The following UVSSA variants were observed in gnomAD, a reference collection of about 807,000 sequenced individuals.
The protein encoded by UVSSA is UV stimulated scaffold protein A.
A neutral mutation model predicts 73.9 loss-of-function variants in UVSSA; 72 were observed. The observed-to-expected ratio is 0.97, with a 90% CI of 0.81 to 1.19. The LOEUF (loss-of-function observed/expected upper bound fraction) is 1.19, where lower values mean the gene tolerates loss of function less well. Among genes scored for constraint, UVSSA ranks in the 50% most tolerant of loss-of-function variants. The pLI is 0.00. For missense variants in UVSSA, 1,150 were observed against 965.0 expected, an observed-to-expected ratio of 1.19 and a Z score of -2.54; for synonymous variants, 454 against 391.3, an observed-to-expected ratio of 1.16 and a Z score of -1.89.
intron 7 of UVSSA, among the ~76,000 whole-genome samples, chr4:1,358,807 C>T (rs756762889): frequency 4.0e-4 from 61 of 152,226 alleles, no homozygotes; most frequent in African/African-American, 1.2e-3. Flanking sequence ...CCATTTAGCA[C>T]GGGGATTGGC....
At position 1,378,293 on chromosome 4, in the gene UVSSA, C is replaced by T. The variant is rs775630717; in HGVS notation, c.1569-1754C>T. On this transcript the variant is annotated intron_variant, in intron 10 of 13. Transcript: ENST00000389851. Reference sequence around the variant, plus strand: ...CCTGGCTGGGTACAGTGGCTCACGCCTGTAATCCCAGCACTTTGGGAGGCC... The same window carrying T: ...CCTGGCTGGGTACAGTGGCTCACGCTTGTAATCCCAGCACTTTGGGAGGCC... Among the ~76,000 whole-genome samples the T allele has an allele frequency of 5.1e-4, 77 of 152,376 alleles. 1 individual carries two copies. Among genetic ancestry groups the T allele is most frequent in the Middle Eastern group, 6.8e-3 (2 of 294 alleles).
At chr4:1,355,529 G>GTC (rs1715592520) in intron 7 of UVSSA, among the ~76,000 whole-genome samples, 1 of 152,218 alleles carries the variant, frequency 6.6e-6, no homozygotes, top group Non-Finnish European at 1.5e-5. Flanking sequence ...GAAGCCACCA[G>GTC]TCAGGCTGTC....
At chr4:1,365,753 G>C (rs764414452) in intron 7 of UVSSA, among the ~76,000 whole-genome samples, 1 of 152,220 alleles carries the variant, frequency 6.6e-6, no homozygotes, top group African/African-American at 2.4e-5. Context: ...GCCCTGGCCC[G>C]TTGCCTAAGA....
chr4:1,345,046 G>A (rs12640984), upstream of UVSSA, among the ~76,000 whole-genome samples: 66,725 of 151,550 alleles, frequency 0.44, 15,382 homozygotes, highest in Non-Finnish European at 0.52. Context: ...GGGAGCCGTC[G>A]GAGGATTTTG....
intron 11 of UVSSA, 120 bp from the exon 12 acceptor site, chr4:1,380,760 T>G: frequency 6.4e-7 from 1 of 1,571,942 alleles, no homozygotes; most frequent in Non-Finnish European, 8.6e-7. Flanking sequence ...TGTGTACACT[T>G]TGGCTCTGTG....
chr4:1,342,319 T>G (rs1713460578), upstream of UVSSA, among the ~76,000 whole-genome samples: 1 of 152,218 alleles, frequency 6.6e-6, no homozygotes, highest in Admixed American at 6.5e-5. Flanking sequence ...CAGTGTGATT[T>G]TCCCTTGCTT....
At chr4:1,377,952 A>AT (rs1169380900) in intron 10 of UVSSA, among the ~76,000 whole-genome samples, 1 of 152,092 alleles carries the variant, frequency 6.6e-6, no homozygotes, top group African/African-American at 2.4e-5. Context: ...GGTGCAGGAG[A>AT]TGGCACCTGG....
rs1487890731 is a variant in UVSSA at position 1,387,077 on chromosome 4, T to C, written c.*1116T>C. ...CTCATGTGATTTGCAAAAACTTTAT[T>C]TATTTATTTATTTATTTTTGAAATG... On this transcript the variant is annotated 3_prime_UTR_variant, in exon 14 of 14. Transcript: ENST00000389851. 1 of 151,390 alleles carries C rather than the reference T, an allele frequency of 6.6e-6. No individual in the cohort carries two copies. The highest frequency in any genetic ancestry group is 2.4e-5 in the African/African-American group (1 of 41,082). 9.4% of individuals were successfully genotyped at this position (151,390 alleles called of 1,614,324 possible).
chr4:1,381,874 T>C (rs1184243772), intron 12 of UVSSA, among the ~76,000 whole-genome samples: 1 of 152,076 alleles, frequency 6.6e-6, no homozygotes, highest in Admixed American at 6.5e-5. Flanking sequence ...GGTGGCACTG[T>C]ATTGCCCAAG....
chr4:1,361,035 G>T (rs1052229811), intron 7 of UVSSA, among the ~76,000 whole-genome samples: 1 of 152,232 alleles, frequency 6.6e-6, no homozygotes, highest in African/African-American at 2.4e-5. Flanking sequence ...TCCATCTGGA[G>T]AGCAACACAG....
exon 14 of UVSSA, chr4:1,395,683 G>T (rs1161790059): frequency 6.2e-7 from 1 of 1,613,216 alleles, no homozygotes; most frequent in South Asian, 1.1e-5. Context: ...ACGTGCCCAT[G>T]TGGAGTGCCC....
chr4:1,374,054 C>A (rs1351025190), intron 8 of UVSSA, among the ~76,000 whole-genome samples: 1 of 152,220 alleles, frequency 6.6e-6, no homozygotes, highest in Non-Finnish European at 1.5e-5. Flanking sequence ...GCCAGGACGC[C>A]TTGCTCGGTC....
At chr4:1,354,908 G>T in intron 6 of UVSSA, 61 bp downstream of exon 6, 1 of 1,459,726 alleles carries the variant, frequency 6.9e-7, no homozygotes. Flanking sequence ...ATGCATGGGG[G>T]GGGTCCCTTT....
At chr4:1,357,580 G>A (rs1055476965) in intron 7 of UVSSA, among the ~76,000 whole-genome samples, 3 of 152,222 alleles carry the variant, frequency 2.0e-5, no homozygotes, top group South Asian at 2.1e-4. Flanking sequence ...AATTCAGCGC[G>A]GCCACGGTAC....
intron 2 of UVSSA, among the ~76,000 whole-genome samples, chr4:1,348,808 G>T (rs373478595): frequency 5.3e-5 from 8 of 152,342 alleles, no homozygotes; most frequent in African/African-American, 1.9e-4. Context: ...TGTGGCCTGC[G>T]CCAGGAAATC....
chr4:1,355,552 C>T (rs941285676), intron 7 of UVSSA, among the ~76,000 whole-genome samples: 3 of 152,184 alleles, frequency 2.0e-5, no homozygotes, highest in African/African-American at 7.2e-5. Context: ...CCCCGTGACT[C>T]CTTCTAGGGA....
intron 8 of UVSSA, among the ~76,000 whole-genome samples, chr4:1,369,890 G>C (rs551156876): frequency 6.6e-6 from 1 of 152,248 alleles, no homozygotes; most frequent in Admixed American, 6.5e-5. Flanking sequence ...GACGCCGTGC[G>C]GGCAAGGCGG....
At chr4:1,354,601 T>C in intron 5 of UVSSA, 134 bp from the exon 6 acceptor site, 1 of 690,428 alleles carries the variant, frequency 1.4e-6, no homozygotes, top group Non-Finnish European at 2.5e-6. Flanking sequence ...GGTTTGGGAT[T>C]CCCGGGGGCA....
upstream of UVSSA, among the ~76,000 whole-genome samples, chr4:1,344,289 G>A (rs1434976578): frequency 6.6e-6 from 1 of 152,116 alleles, no homozygotes; most frequent in East Asian, 1.9e-4. Flanking sequence ...AGTGGCTCAT[G>A]CCTGTAATCC....
Sources: gnomAD v4.1 joint callset for allele counts (sites outside exome capture counted in the v4.1 genomes callset) on GRCh38, gnomAD v4.1.1 for gene constraint, MANE v1.5 for transcripts, NCBI Gene and HGNC (gene_info 2026-07-23, HGNC 2026-07-21) for gene names.